Variants in HMCN1 observed in about 807,000 individuals in gnomAD.
HMCN1 encodes hemicentin-1.
Under a neutral mutation model 625.9 loss-of-function variants are expected in HMCN1, and 321 were observed. That is an observed-to-expected ratio of 0.51 (90% CI 0.47 to 0.56). The LOEUF (loss-of-function observed/expected upper bound fraction) is 0.56. Ranked by LOEUF, HMCN1 falls within the 20% of genes least tolerant of loss-of-function variation. The pLI is 0.00. For synonymous variants in HMCN1, 2,425 were observed against 2,417.6 expected, an observed-to-expected ratio of 1.00 and a Z score of -0.09; for missense variants, 6,588 against 6,887.3, an observed-to-expected ratio of 0.96 and a Z score of 1.54.
chr1:186,136,581 T>C, intron 86 of HMCN1, 87 bp from the exon 87 acceptor site: 1 of 1,259,030 alleles, frequency 7.9e-7, no homozygotes, highest in African/African-American at 1.5e-5. Context: ...AATCACTTTT[T>C]TCAAAATAAT....
intron 1 of HMCN1, among the ~76,000 whole-genome samples, chr1:185,787,067 G>A (rs1275340444): frequency 1.3e-5 from 2 of 151,852 alleles, no homozygotes; most frequent in Non-Finnish European, 2.9e-5. Flanking sequence ...AACCTATGAG[G>A]TGAATGTGTT....
chr1:185,963,737 A>G, intron 12 of HMCN1, 31 bp from the exon 13 acceptor site: 2 of 1,505,262 alleles, frequency 1.3e-6, no homozygotes, highest in South Asian at 1.1e-5. Context: ...GGCATTTTCA[A>G]TTTTATATTC....
At chr1:185,899,714 A>G (rs1258260601) in intron 4 of HMCN1, among the ~76,000 whole-genome samples, 2 of 152,114 alleles carry the variant, frequency 1.3e-5, no homozygotes, top group Non-Finnish European at 2.9e-5. Context: ...AGCAGTGGTA[A>G]AACAGAGAGA....
At chr1:185,882,650 A>AT (rs965817553) in intron 4 of HMCN1, among the ~76,000 whole-genome samples, 3 of 152,168 alleles carry the variant, frequency 2.0e-5, no homozygotes, top group African/African-American at 7.2e-5. Flanking sequence ...ATAAAGAATG[A>AT]TAAAAATAAT....
intron 88 of HMCN1, 41 bp downstream of exon 88, chr1:186,137,709 A>G: frequency 6.2e-7 from 1 of 1,613,716 alleles, no homozygotes. Context: ...TGTTTAATAG[A>G]CCTTCATTTC....
intron 103 of HMCN1, among the ~76,000 whole-genome samples, chr1:186,175,247 A>G (rs1404321053): frequency 1.3e-5 from 2 of 152,220 alleles, no homozygotes; most frequent in African/African-American, 2.4e-5. Context: ...AAATTAATGC[A>G]TTTATAATCA....
chr1:185,977,123 G>C (rs1215604708), intron 15 of HMCN1, among the ~76,000 whole-genome samples: 2 of 151,840 alleles, frequency 1.3e-5, no homozygotes, highest in Non-Finnish European at 2.9e-5. Flanking sequence ...AATTTTTATA[G>C]TTTCTGAATC....
intron 6 of HMCN1, among the ~76,000 whole-genome samples, chr1:185,919,166 G>A (rs1350949204): frequency 2.0e-5 from 3 of 151,680 alleles, no homozygotes; most frequent in Non-Finnish European, 4.4e-5. Context: ...AAAGAAATAT[G>A]GCTGGACCTC....
At position 186,065,221 on chromosome 1, in the gene HMCN1, GA is replaced by G. The variant is rs1265304258; in HGVS notation, c.7514-14del. The stretch of plus-strand genomic sequence containing the variant: ...ACATGTAATTATTAGCTGACTCTCA[GA>G]AATGGATTTTTACAGGGAATCCAGT... On this transcript the variant is annotated splice_polypyrimidine_tract_variant and intron_variant, in intron 48 of 106. Coordinates refer to ENST00000271588, the MANE Select transcript of HMCN1 (RefSeq NM_031935.3). The G allele has an allele frequency of 5.6e-6, 9 of 1,607,318 alleles. No homozygotes were observed. Among genetic ancestry groups the G allele is most frequent in the African/African-American group, 1.3e-5 (1 of 74,888 alleles).
At chr1:186,092,051 A>G (rs141933049) in intron 64 of HMCN1, among the ~76,000 whole-genome samples, 151 of 152,048 alleles carry the variant, frequency 9.9e-4, no homozygotes, top group African/African-American at 3.3e-3. Flanking sequence ...AAGATTTTAT[A>G]TGGGCTATAA....
chr1:186,119,728 G>T lies in HMCN1; in HGVS notation c.11957-17G>T. On this transcript the variant is annotated splice_polypyrimidine_tract_variant and intron_variant, in intron 78 of 106. Transcript: ENST00000271588. ...ACTAGTGCTATTACTTCTTTTTGTT[G>T]ATTGGTTTTTTTATAGAGCCTCCAG... 6.2e-7 allele frequency: 1 copy of T among 1,613,366 alleles called. No individual in the cohort carries two copies. The highest frequency in any genetic ancestry group is 1.1e-5 in the South Asian group (1 of 91,020).
chr1:186,020,901 G>GT (rs1654676232), intron 35 of HMCN1, among the ~76,000 whole-genome samples: 1 of 152,084 alleles, frequency 6.6e-6, no homozygotes, highest in Non-Finnish European at 1.5e-5. Context: ...AGGCACTTAA[G>GT]TAAGGTTGAT....
chr1:185,938,110 A>AT (rs1284718099), intron 11 of HMCN1, among the ~76,000 whole-genome samples: 8 of 151,964 alleles, frequency 5.3e-5, no homozygotes, highest in Non-Finnish European at 1.2e-4. Context: ...GAATAATATG[A>AT]TTTTTTAAGT....
chr1:186,000,559 ATGTGTGTG>A (rs68110596), intron 26 of HMCN1, among the ~76,000 whole-genome samples: 27 of 144,746 alleles, frequency 1.9e-4, no homozygotes, highest in African/African-American at 6.0e-4. Flanking sequence ...GTGTGTGTGT[ATGTGTGTG>A]TGTGTGTGTG....
intron 68 of HMCN1, among the ~76,000 whole-genome samples, chr1:186,102,355 G>T (rs1453391878): frequency 6.6e-6 from 1 of 152,126 alleles, no homozygotes; most frequent in Non-Finnish European, 1.5e-5. Context: ...AAGGAAAACA[G>T]AGACTAACAG....
At chr1:185,786,738 C>T (rs1279309401) in intron 1 of HMCN1, among the ~76,000 whole-genome samples, 1 of 152,160 alleles carries the variant, frequency 6.6e-6, no homozygotes, top group Non-Finnish European at 1.5e-5. Flanking sequence ...TTACATAAAT[C>T]AAATATGGCA....
chr1:185,791,252 A>G (rs1267127592), intron 1 of HMCN1, among the ~76,000 whole-genome samples: 1 of 152,166 alleles, frequency 6.6e-6, no homozygotes, highest in African/African-American at 2.4e-5. Flanking sequence ...TGTCTGGTAC[A>G]TAGTAGGCCC....
At chr1:185,738,150 G>A (rs1351540550) in intron 1 of HMCN1, among the ~76,000 whole-genome samples, 1 of 152,150 alleles carries the variant, frequency 6.6e-6, no homozygotes, top group Non-Finnish European at 1.5e-5. Flanking sequence ...GTTTTATTGA[G>A]ATGTAATCCC....
chr1:186,015,938 A>G lies in HMCN1; in HGVS notation c.4910-20A>G. On this transcript the variant is annotated intron_variant, in intron 31 of 106. Coordinates refer to ENST00000271588, the MANE Select transcript of HMCN1 (RefSeq NM_031935.3). The stretch of plus-strand genomic sequence containing the variant: ...GACCACACAAATAATTGCCTGAAAT[A>G]TTGCTATGTTTCTCCCTAGTTCCTC... 6.2e-7 allele frequency: 1 copy of G among 1,607,150 alleles called. No homozygotes were observed. The highest frequency in any genetic ancestry group is 8.5e-7 in the Non-Finnish European group (1 of 1,173,872).
Sources: allele counts gnomAD v4.1 joint callset (sites outside exome capture counted in the v4.1 genomes callset), GRCh38; gene constraint gnomAD v4.1.1; transcripts MANE v1.5; gene names NCBI Gene and HGNC (gene_info 2026-07-23, HGNC 2026-07-21).